CDKAL1: variants seen among roughly 807,000 people sequenced by gnomAD.
The protein encoded by CDKAL1 is CDKAL1 threonylcarbamoyladenosine tRNA methylthiotransferase.
Under a neutral mutation model 68.2 loss-of-function variants are expected in CDKAL1, and 32 were observed. The ratio of observed to expected loss-of-function variants is 0.47; its 90% CI spans 0.35 to 0.63. The LOEUF is 0.63. Ranked by LOEUF, CDKAL1 falls within the 30% of genes least tolerant of loss-of-function variation. The pLI, the probability that CDKAL1 is intolerant of heterozygous loss-of-function variation, is 0.00. For synonymous variants in CDKAL1, 234 were observed against 244.3 expected, an observed-to-expected ratio of 0.96 and a Z score of 0.39; for missense variants, 606 against 696.7, an observed-to-expected ratio of 0.87 and a Z score of 1.47.
intron 15 of CDKAL1, among the ~76,000 whole-genome samples, chr6:21,208,002 T>C (rs1037603037): frequency 1.3e-5 from 2 of 149,948 alleles, no homozygotes; most frequent in African/African-American, 5.0e-5. Context: ...CATTTCTTCC[T>C]CTTACTCTTT....
intron 4 of CDKAL1, among the ~76,000 whole-genome samples, chr6:20,549,048 A>G (rs1337580475): frequency 6.6e-6 from 1 of 152,104 alleles, no homozygotes; most frequent in Non-Finnish European, 1.5e-5. Flanking sequence ...ATCGTATTTG[A>G]ATTTTACCAG....
chr6:20,916,463 C>T (rs997719338), intron 9 of CDKAL1, among the ~76,000 whole-genome samples: 2 of 152,074 alleles, frequency 1.3e-5, no homozygotes, highest in Non-Finnish European at 2.9e-5. Flanking sequence ...GGGCAGAAGG[C>T]AGAAGAAATA....
chr6:20,831,292 G>A (rs560985525), intron 8 of CDKAL1, among the ~76,000 whole-genome samples: 95 of 152,274 alleles, frequency 6.2e-4, no homozygotes, highest in African/African-American at 2.1e-3. Context: ...GCAAACAGTC[G>A]TCAAGATACT....
intron 13 of CDKAL1, among the ~76,000 whole-genome samples, chr6:21,179,872 T>G (rs944598324): frequency 2.0e-5 from 3 of 152,104 alleles, no homozygotes; most frequent in African/African-American, 7.2e-5. Context: ...AATACAAAAA[T>G]TAGCTGGGCG....
chr6:21,069,890 C>T (rs1004219393), intron 12 of CDKAL1, among the ~76,000 whole-genome samples: 3 of 145,850 alleles, frequency 2.1e-5, no homozygotes, highest in Non-Finnish European at 3.0e-5. Context: ...CCCGGGTTCA[C>T]GCCATTCTTC....
intron 9 of CDKAL1, among the ~76,000 whole-genome samples, chr6:20,941,866 T>A (rs1763987288): frequency 1.3e-5 from 2 of 152,238 alleles, no homozygotes; most frequent in Admixed American, 1.3e-4. Context: ...AAAAGTTGAA[T>A]TATTGGCGAT....
chr6:20,683,603 G>C (rs1035132894), intron 5 of CDKAL1, among the ~76,000 whole-genome samples: 4 of 152,142 alleles, frequency 2.6e-5, no homozygotes, highest in African/African-American at 9.7e-5. Flanking sequence ...TGAGAGGAAG[G>C]TACAGAGATG....
At chr6:20,570,525 C>T (rs940935398) in intron 4 of CDKAL1, among the ~76,000 whole-genome samples, 14 of 152,282 alleles carry the variant, frequency 9.2e-5, no homozygotes, top group South Asian at 8.3e-4. Flanking sequence ...CTTGGCCTCC[C>T]GAGTAGCTAG....
rs1473176098 is a variant in CDKAL1 at position 21,231,465 on chromosome 6, C to T, written c.*426C>T. 1 of 152,874 alleles carries T rather than the reference C, an allele frequency of 6.5e-6. No individual in the cohort carries two copies. The highest frequency in any genetic ancestry group is 1.9e-4 in the East Asian group (1 of 5,224). 9.5% of individuals were successfully genotyped at this position (152,874 alleles called of 1,614,324 possible). A position where few individuals can be genotyped will look rare whatever the true frequency, so the allele number is the denominator to read the frequency against. ...CCAGATGGAGTTTCGCTCTTGTCCC[C>T]CAGGCTGGAGTGGTGCAGTGGCACG... On this transcript the variant is annotated 3_prime_UTR_variant, in exon 16 of 16. Transcript: ENST00000274695.
chr6:20,649,876 T>C (rs1182744685), intron 5 of CDKAL1, among the ~76,000 whole-genome samples: 1 of 152,188 alleles, frequency 6.6e-6, no homozygotes, highest in Non-Finnish European at 1.5e-5. Flanking sequence ...GCTCCATCTG[T>C]GTGCTTGCAA....
chr6:20,987,189 G>T (rs546796256), intron 10 of CDKAL1, among the ~76,000 whole-genome samples: 1 of 151,956 alleles, frequency 6.6e-6, no homozygotes, highest in Non-Finnish European at 1.5e-5. Flanking sequence ...ATGTACAGTG[G>T]CCTTGTGTAT....
chr6:20,706,337 C>G (rs1368771833), intron 5 of CDKAL1, among the ~76,000 whole-genome samples: 1 of 152,164 alleles, frequency 6.6e-6, no homozygotes, highest in Non-Finnish European at 1.5e-5. Context: ...GAAAAAATCT[C>G]TCAGTCTAAC....
At chr6:20,558,631 A>T in intron 4 of CDKAL1, 1 of 456,068 alleles carries the variant, frequency 2.2e-6, no homozygotes, top group Non-Finnish European at 4.4e-6. Context: ...GAAGGAATTG[A>T]GTTAAGAAGA....
At chr6:20,945,572 A>C (rs1764197794) in intron 9 of CDKAL1, among the ~76,000 whole-genome samples, 2 of 152,158 alleles carry the variant, frequency 1.3e-5, no homozygotes, top group African/African-American at 4.8e-5. Flanking sequence ...CTATCTTCTG[A>C]AGCCAAAGCA....
chr6:21,117,475 C>CA (rs11418036), intron 13 of CDKAL1, among the ~76,000 whole-genome samples: 75,284 of 148,824 alleles, frequency 0.51, 19,445 homozygotes, highest in East Asian at 0.68. Flanking sequence ...CTATCTCTAC[C>CA]AAAAAAAAAC....
At chr6:20,894,884 AT>A (rs1278907961) in intron 9 of CDKAL1, among the ~76,000 whole-genome samples, 2 of 151,914 alleles carry the variant, frequency 1.3e-5, no homozygotes, top group Non-Finnish European at 2.9e-5. Flanking sequence ...ATACTGGTGA[AT>A]TTTCCTCAGA....
rs561820895 is a variant in CDKAL1 at position 20,982,067 on chromosome 6, A to AT, written c.910-18157dup. 3.1e-4 allele frequency among the ~76,000 whole-genome samples: 47 copies of AT among 151,406 alleles called. 2 individuals carry two copies. In the East Asian group the frequency reaches 9.2e-3, roughly 29 times the overall value. Reference sequence around the variant, plus strand: ...GAAATTCTTATTTATTTATTTATTTATTTATTTATTTATTTATGAGACAGA... The same window carrying AT: ...GAAATTCTTATTTATTTATTTATTTATTTTATTTATTTATTTATGAGACAGA... On this transcript the variant is annotated intron_variant, in intron 10 of 15. Coordinates refer to ENST00000274695, the MANE Select transcript of CDKAL1 (RefSeq NM_017774.3).
At chr6:20,991,339 G>A (rs940316636) in intron 10 of CDKAL1, among the ~76,000 whole-genome samples, 1 of 152,178 alleles carries the variant, frequency 6.6e-6, no homozygotes, top group African/African-American at 2.4e-5. Context: ...TCTGGAGATG[G>A]ACAGTGGGTG....
intron 9 of CDKAL1, among the ~76,000 whole-genome samples, chr6:20,905,326 C>T (rs1034888821): frequency 9.2e-5 from 14 of 151,994 alleles, no homozygotes; most frequent in Admixed American, 4.6e-4. Flanking sequence ...TAGAGAGATT[C>T]AAAGACAATT....
Sources: gnomAD v4.1 joint callset for allele counts (sites outside exome capture counted in the v4.1 genomes callset) on GRCh38, gnomAD v4.1.1 for gene constraint, MANE v1.5 for transcripts, NCBI Gene and HGNC (gene_info 2026-07-23, HGNC 2026-07-21) for gene names.